Variants in C6orf89 observed in about 807,000 individuals in gnomAD.
The protein encoded by C6orf89 is chromosome 6 open reading frame 89, also known as bombesin receptor-activated protein C6orf89.
C6orf89 carries 29 observed loss-of-function variants against 40.7 expected under a neutral mutation model. The ratio of observed to expected loss-of-function variants is 0.71; its 90% CI spans 0.53 to 0.97. The LOEUF is 0.97. Among genes scored for constraint, C6orf89 ranks in the 50% least tolerant of loss-of-function variants. C6orf89 has a pLI of 0.00. For missense variants in C6orf89, 392 were observed against 429.1 expected (o/e 0.91, Z 0.76); for synonymous variants, 165 against 152.2 (o/e 1.08, Z -0.62).
chr6:36,913,183 C>G (rs1199794279), intron 4 of C6orf89, among the ~76,000 whole-genome samples: 1 of 152,194 alleles, frequency 6.6e-6, no homozygotes, highest in African/African-American at 2.4e-5. Flanking sequence ...AAAGGCTGTG[C>G]AGAAACAAGA....
chr6:36,912,257 C>G (rs1762154844), intron 4 of C6orf89, among the ~76,000 whole-genome samples: 1 of 152,186 alleles, frequency 6.6e-6, no homozygotes, highest in Admixed American at 6.5e-5. Flanking sequence ...CTCTAACTTT[C>G]AGTTTGTTCA....
chr6:36,873,337 T>C (rs1236347152), intron 1 of C6orf89, among the ~76,000 whole-genome samples: 1 of 152,182 alleles, frequency 6.6e-6, no homozygotes, highest in African/African-American at 2.4e-5. Flanking sequence ...GTCCTTGAAA[T>C]AGGAAATGCC....
chr6:36,923,424 G>A lies in C6orf89; in HGVS notation c.1027G>A (p.Ala343Thr), dbSNP rs373601420. The change falls in exon 9 of 9, where the codon GCT (alanine) becomes ACT (threonine). Residue 343 changes from alanine (A) to threonine (T), a missense_variant. Ala to Thr is a moderately conservative substitution (Grantham distance 58). Coordinates refer to ENST00000480824, the MANE Select transcript of C6orf89 (RefSeq NM_001286635.2). ...GCCTTTGGTCATCTGCGATGGAACC[G>A]CTTTCTCAGAACTGTAGGAAATAGA... ...VQPLVICDGT[A>T]FSEL is the part of the protein sequence containing the mutation. 2.4e-5 allele frequency: 38 copies of A among 1,613,162 alleles called. No individual in the cohort carries two copies. Among genetic ancestry groups the A allele is most frequent in the African/African-American group, 1.1e-4 (8 of 74,914 alleles).
chr6:36,901,305 TATTATTATTA>T (rs1761677992), intron 3 of C6orf89, among the ~76,000 whole-genome samples: 1 of 70,526 alleles, frequency 1.4e-5, no homozygotes, highest in Non-Finnish European at 2.7e-5. Context: ...TTATTATTAT[TATTATTATTA>T]TTATTATTTT....
At chr6:36,923,324 T>A (rs370942464) in intron 8 of C6orf89, 23 bp from the exon 9 acceptor site, 8 of 1,593,220 alleles carry the variant, frequency 5.0e-6, no homozygotes, top group Non-Finnish European at 6.9e-6. Flanking sequence ...TTACATGCCT[T>A]CCTCTTGCTA....
chr6:36,905,335 T>C (rs1477359047), intron 4 of C6orf89, among the ~76,000 whole-genome samples: 1 of 152,208 alleles, frequency 6.6e-6, no homozygotes, highest in Admixed American at 6.5e-5. Context: ...GTGAGTAGTC[T>C]GTAGCTGTGC....
intron 1 of C6orf89, chr6:36,874,701 G>A (rs1292042851): frequency 4.3e-6 from 7 of 1,613,520 alleles, no homozygotes; most frequent in East Asian, 2.2e-5. Context: ...AGCCCCAGAC[G>A]CCCGAACCCC....
At chr6:36,908,478 T>A (rs2150702768) in intron 4 of C6orf89, among the ~76,000 whole-genome samples, 1 of 152,312 alleles carries the variant, frequency 6.6e-6, no homozygotes, top group Admixed American at 6.5e-5. Flanking sequence ...AATAAAGTAA[T>A]ATTTCTCATC....
chr6:36,885,876 G>T, upstream of C6orf89: 3 of 590,852 alleles, frequency 5.1e-6, no homozygotes, highest in Non-Finnish European at 7.5e-6. Context: ...AGCGCTGGAC[G>T]AGAGGAGGAA....
At chr6:36,874,577 T>C (rs1583125329) in intron 1 of C6orf89, 5 of 1,182,642 alleles carry the variant, frequency 4.2e-6, no homozygotes, top group African/African-American at 1.5e-5. Flanking sequence ...CTCAACCCTC[T>C]GGGGGCCGTC....
At position 36,926,689 on chromosome 6, in the gene C6orf89, T is replaced by A. The variant is rs1762693011; in HGVS notation, c.*3248T>A. On this transcript the variant is annotated 3_prime_UTR_variant, in exon 9 of 9. Transcript: ENST00000480824. Reference sequence around the variant, plus strand: ...AGCATTTGTCTAGTACATTCCAGTTTACAAAGTGCCTGATATACATGATCT... The same window carrying A: ...AGCATTTGTCTAGTACATTCCAGTTAACAAAGTGCCTGATATACATGATCT... 6.6e-6 allele frequency: 1 copy of A among 152,148 alleles called. No individual in the cohort carries two copies. 9.4% of individuals were successfully genotyped at this position (152,148 alleles called of 1,614,324 possible).
chr6:36,874,450 TTGAA>T lies in C6orf89; in HGVS notation c.-628+2503_-628+2506del, dbSNP rs147444607. Among the ~76,000 whole-genome samples, 9 of 152,260 alleles carry T rather than the reference TTGAA, an allele frequency of 5.9e-5. 1 individual carries two copies. Among genetic ancestry groups the T allele is most frequent in the South Asian group, 4.1e-4 (2 of 4,828 alleles). On this transcript the variant is annotated intron_variant, in intron 1 of 9. Coordinates refer to the C6orf89 transcript ENST00000359359. ...GGCTTGCGGACTCATTACACGTTTGTTGAATGAATGAATGAATGAATGAGCGGAC... is the reference window on the plus strand; with the variant it reads ...GGCTTGCGGACTCATTACACGTTTGTTGAATGAATGAATGAATGAGCGGAC...
chr6:36,910,232 C>A (rs1387067218), intron 4 of C6orf89, among the ~76,000 whole-genome samples: 2 of 151,868 alleles, frequency 1.3e-5, no homozygotes, highest in African/African-American at 4.8e-5. Context: ...GTAGCTGGGA[C>A]TAAAGTGCCA....
At chr6:36,917,054 C>A (rs1762348429) in intron 7 of C6orf89, among the ~76,000 whole-genome samples, 1 of 150,918 alleles carries the variant, frequency 6.6e-6, no homozygotes, top group African/African-American at 2.4e-5. Flanking sequence ...TCTATTTTTT[C>A]AAAAAAAGAA....
chr6:36,898,394 C>G (rs1471195116), intron 2 of C6orf89, among the ~76,000 whole-genome samples: 2 of 151,738 alleles, frequency 1.3e-5, no homozygotes, highest in African/African-American at 4.9e-5. Flanking sequence ...ATTCTCCTGC[C>G]TCAGCCGCCC....
At chr6:36,908,765 C>T (rs1239839386) in intron 4 of C6orf89, among the ~76,000 whole-genome samples, 1 of 152,046 alleles carries the variant, frequency 6.6e-6, no homozygotes, top group Non-Finnish European at 1.5e-5. Context: ...GTCAGAAATC[C>T]AGGTTGATAG....
intron 2 of C6orf89, among the ~76,000 whole-genome samples, chr6:36,897,129 C>CAAAAAAAAAAAAAA (rs34191608): frequency 3.6e-4 from 31 of 85,340 alleles, no homozygotes; most frequent in South Asian, 8.1e-4. Flanking sequence ...GACTCTGTCT[C>CAAAAAAAAAAAAAA]AAAAAAAAAA....
At chr6:36,885,205 T>C (rs1245109401), upstream of C6orf89, among the ~76,000 whole-genome samples, 1 of 152,078 alleles carries the variant, frequency 6.6e-6, no homozygotes, top group East Asian at 1.9e-4. Context: ...AATAACTGAG[T>C]GGTGGCCAAT....
intron 4 of C6orf89, among the ~76,000 whole-genome samples, chr6:36,909,807 T>C (rs77478840): frequency 6.6e-6 from 1 of 152,164 alleles, no homozygotes; most frequent in East Asian, 1.9e-4. Context: ...AAAAGTTTTT[T>C]GTTAATTCAA....
Sources: gnomAD v4.1 joint callset for allele counts (sites outside exome capture counted in the v4.1 genomes callset) on GRCh38, gnomAD v4.1.1 for gene constraint, MANE v1.5 for transcripts, NCBI Gene and HGNC (gene_info 2026-07-23, HGNC 2026-07-21) for gene names.